HCRTR2: variants seen among roughly 807,000 people sequenced by gnomAD.
HCRTR2 encodes orexin receptor type 2.
In HCRTR2, 22 loss-of-function variants were observed where a neutral mutation model predicts 49.0. The ratio of observed to expected loss-of-function variants is 0.45; its 90% CI spans 0.32 to 0.64. HCRTR2 has a LOEUF of 0.64. Among genes scored for constraint, HCRTR2 ranks in the 30% least tolerant of loss-of-function variants. The probability of loss-of-function intolerance (pLI) is 0.04; values close to 1 mark genes in which losing one functional copy is unlikely to be tolerated. For synonymous variants in HCRTR2, 236 were observed against 205.3 expected (o/e 1.15, Z -1.28); for missense variants, 491 against 559.4 (o/e 0.88, Z 1.23).
chr6:55,163,619 A>T (rs1456681660), intron 1 of HCRTR2, among the ~76,000 whole-genome samples: 1 of 152,220 alleles, frequency 6.6e-6, no homozygotes, highest in East Asian at 1.9e-4. Context: ...TTATACAAAA[A>T]TTAACTCAAG....
chr6:55,261,330 A>G (rs1417752397), intron 3 of HCRTR2, among the ~76,000 whole-genome samples: 3 of 152,218 alleles, frequency 2.0e-5, no homozygotes, highest in Non-Finnish European at 4.4e-5. Flanking sequence ...CAACAAGCAT[A>G]TGAAAAAATG....
chr6:55,126,503 G>A (rs950555321), intron 1 of HCRTR2, among the ~76,000 whole-genome samples: 1 of 152,162 alleles, frequency 6.6e-6, no homozygotes, highest in Non-Finnish European at 1.5e-5. Flanking sequence ...CCTGCCAGAT[G>A]CCAGCCAGAG....
intron 1 of HCRTR2, among the ~76,000 whole-genome samples, chr6:55,149,270 G>C (rs183680295): frequency 6.6e-6 from 1 of 152,132 alleles, no homozygotes; most frequent in East Asian, 1.9e-4. Context: ...GCTCATAACT[G>C]TTACTGTATT....
chr6:55,166,556 C>A (rs759938264), intron 1 of HCRTR2, among the ~76,000 whole-genome samples: 38 of 152,012 alleles, frequency 2.5e-4, no homozygotes, highest in Non-Finnish European at 4.9e-4. Flanking sequence ...GAAAATAACT[C>A]GTGTTGATAA....
chr6:55,241,810 T>G (rs1372623419), intron 1 of HCRTR2, among the ~76,000 whole-genome samples: 1 of 151,800 alleles, frequency 6.6e-6, no homozygotes, highest in East Asian at 1.9e-4. Context: ...GACATCATTA[T>G]TAGTTCAAAG....
intron 1 of HCRTR2, among the ~76,000 whole-genome samples, chr6:55,163,032 A>G (rs1467754572): frequency 6.6e-6 from 1 of 152,072 alleles, no homozygotes; most frequent in Admixed American, 6.6e-5. Flanking sequence ...GAGGATCAAG[A>G]GGTCAGGAGA....
intron 1 of HCRTR2, among the ~76,000 whole-genome samples, chr6:55,205,886 T>A (rs1765592389): frequency 6.6e-6 from 1 of 152,060 alleles, no homozygotes; most frequent in African/African-American, 2.4e-5. Context: ...TAGCTTGAAT[T>A]TTTTTACACC....
At chr6:55,186,215 A>C (rs1290360506) in intron 1 of HCRTR2, among the ~76,000 whole-genome samples, 1 of 152,240 alleles carries the variant, frequency 6.6e-6, no homozygotes, top group African/African-American at 2.4e-5. Context: ...ATTTTTAGTT[A>C]GCAAATGAAT....
At chr6:55,191,354 C>T (rs1396190409) in intron 1 of HCRTR2, among the ~76,000 whole-genome samples, 1 of 152,044 alleles carries the variant, frequency 6.6e-6, no homozygotes, top group East Asian at 1.9e-4. Flanking sequence ...TATTTTCTAG[C>T]TTATGATTTT....
At chr6:55,133,663 ATCT>A (rs1235344860) in intron 1 of HCRTR2, among the ~76,000 whole-genome samples, 3 of 28,458 alleles carry the variant, frequency 1.1e-4, no homozygotes, top group Non-Finnish European at 7.8e-5. Flanking sequence ...TCTATCTATC[ATCT>A]ATCTATCTAT....
intron 2 of HCRTR2, among the ~76,000 whole-genome samples, chr6:55,251,351 C>A (rs952293490): frequency 3.2e-4 from 49 of 152,212 alleles, no homozygotes; most frequent in African/African-American, 1.0e-3. Context: ...TCAAAAGTCT[C>A]ACAAATGTTA....
chr6:55,119,151 T>G (rs1477586429), intron 1 of HCRTR2, among the ~76,000 whole-genome samples: 2 of 152,094 alleles, frequency 1.3e-5, no homozygotes, highest in African/African-American at 4.8e-5. Flanking sequence ...TATTCCATGG[T>G]GTATATGTGC....
chr6:55,187,404 T>C (rs1291301048), intron 1 of HCRTR2, among the ~76,000 whole-genome samples: 2 of 93,830 alleles, frequency 2.1e-5, no homozygotes, highest in Non-Finnish European at 1.9e-5. Flanking sequence ...AGAGTGAGAC[T>C]CCGTCTCAAA....
rs780270268 is a variant in HCRTR2, at chr6:55,174,777, G to A, written c.190G>A (p.Val64Met). 1 of 1,613,946 alleles carries A rather than the reference G, an allele frequency of 6.2e-7. No individual in the cohort carries two copies. Among genetic ancestry groups the A allele is most frequent in the Admixed American group, 1.7e-5 (1 of 60,008 alleles). ...EWVLIAGYII[V>M]FVVALIGNVL... ...GGTCCTGATCGCCGGGTACATCATCGTGTTCGTCGTGGCTCTCATTGGGAA... is the reference window on the plus strand; with the variant it reads ...GGTCCTGATCGCCGGGTACATCATCATGTTCGTCGTGGCTCTCATTGGGAA... Residue 64 changes from valine to methionine, a missense_variant, in exon 1 of 7, where the codon GTG becomes ATG. By Grantham distance (21) the Val-to-Met change is conservative. Coordinates refer to ENST00000370862, the MANE Select transcript of HCRTR2 (RefSeq NM_001384272.1).
chr6:55,138,430 A>G (rs1230175152), intron 1 of HCRTR2, among the ~76,000 whole-genome samples: 4 of 152,236 alleles, frequency 2.6e-5, no homozygotes, highest in Non-Finnish European at 4.4e-5. Flanking sequence ...ATAAATGAAG[A>G]CACTATTAGT....
chr6:55,240,584 T>C (rs1350301902), intron 1 of HCRTR2, among the ~76,000 whole-genome samples: 1 of 152,048 alleles, frequency 6.6e-6, no homozygotes, highest in Non-Finnish European at 1.5e-5. Flanking sequence ...ACAGGCATAT[T>C]GGCTCAGGAA....
intron 1 of HCRTR2, among the ~76,000 whole-genome samples, chr6:55,157,987 A>C (rs1764752881): frequency 6.6e-6 from 1 of 152,182 alleles, no homozygotes; most frequent in African/African-American, 2.4e-5. Flanking sequence ...AACATCCACA[A>C]GCTTTAAGAC....
chr6:55,110,783 C>T (rs1764038317), intron 1 of HCRTR2, among the ~76,000 whole-genome samples: 1 of 151,912 alleles, frequency 6.6e-6, no homozygotes, highest in Admixed American at 6.6e-5. Context: ...TAGTGGGAGA[C>T]TTCAATACTC....
chr6:55,240,132 G>T (rs1766296687), intron 1 of HCRTR2, among the ~76,000 whole-genome samples: 2 of 151,490 alleles, frequency 1.3e-5, no homozygotes, highest in East Asian at 2.0e-4. Flanking sequence ...CCGAGGCAGG[G>T]GGATCACGAG....
Sources: gnomAD v4.1 joint callset for allele counts (sites outside exome capture counted in the v4.1 genomes callset) on GRCh38, gnomAD v4.1.1 for gene constraint, MANE v1.5 for transcripts, NCBI Gene and HGNC (gene_info 2026-07-23, HGNC 2026-07-21) for gene names.